Variants in CDCA8 observed in about 807,000 individuals in gnomAD.
CDCA8 encodes cell division cycle associated 8.
In CDCA8, 25 loss-of-function variants were observed where a neutral mutation model predicts 40.0. That is an observed-to-expected ratio of 0.63 (90% CI 0.46 to 0.87). CDCA8 has a LOEUF of 0.87. Among genes scored for constraint, CDCA8 ranks in the 40% least tolerant of loss-of-function variants. The pLI is 0.00. For synonymous variants in CDCA8, 111 were observed against 126.5 expected (o/e 0.88, Z 0.82); for missense variants, 280 against 348.4 (o/e 0.80, Z 1.56).
chr1:37,709,264 CTG>C lies in CDCA8; in HGVS notation c.*900_*901del, dbSNP rs1645623416. 1 of 152,216 alleles carries C rather than the reference CTG, an allele frequency of 6.6e-6. No individual in the cohort carries two copies. Among genetic ancestry groups the C allele is most frequent in the South Asian group, 2.1e-4 (1 of 4,832 alleles). The allele number at this position is 152,216 out of a possible 1,614,324, so 9.4% of individuals were successfully genotyped here. ...CATGGTCCAGTGGTCCCTGCCAAGT[CTG>C]TAGACTTCAGAGAGCACTTCTCTCT... On this transcript the variant is annotated 3_prime_UTR_variant, in exon 10 of 10. Transcript: ENST00000373055.
At chr1:37,693,205 CTA>C (rs1645487040) in intron 2 of CDCA8, among the ~76,000 whole-genome samples, 172 bp downstream of exon 2, 1 of 98,986 alleles carries the variant, frequency 1.0e-5, no homozygotes, top group South Asian at 3.5e-4. Flanking sequence ...TCATTTTTCT[CTA>C]TGAAAAATGG....
In CDCA8 at chr1:37,692,948, C is replaced by G. The variant is rs761888225; in HGVS notation, c.138C>G (p.Leu46=). 7 of 1,614,134 alleles carry G rather than the reference C, an allele frequency of 4.3e-6. No homozygotes were observed. The highest frequency in any genetic ancestry group is 5.9e-6 in the Non-Finnish European group (7 of 1,180,028). Residue 46 remains leucine, a synonymous_variant, in exon 2 of 10, where the codon CTC becomes CTG. Coordinates refer to ENST00000373055, the MANE Select transcript of CDCA8 (RefSeq NM_001256875.2). Reference sequence around the variant, plus strand: ...AAATTGAGTCAGACAGGCAGAACCTCCTCAAGGAGGTGGATAACCTCTACA... The same window carrying G: ...AAATTGAGTCAGACAGGCAGAACCTGCTCAAGGAGGTGGATAACCTCTACA... ...IKQIESDRQN[L]LKEVDNLYNI... is the part of the protein sequence containing the mutation.
chr1:37,699,043 C>T lies in CDCA8; in HGVS notation c.337+66C>T. The T allele has an allele frequency of 3.7e-6, 4 of 1,069,864 alleles. No homozygotes were observed. In the South Asian group the frequency reaches 5.0e-5, roughly 13 times the overall value. The allele number at this position is 1,069,864 out of a possible 1,614,324, so 66.3% of individuals were successfully genotyped here. On this transcript the variant is annotated intron_variant, in intron 4 of 9. Coordinates refer to ENST00000373055, the MANE Select transcript of CDCA8 (RefSeq NM_001256875.2). The stretch of plus-strand genomic sequence containing the variant: ...GAGGCTCAGGTTGCTTGGTTGGCTG[C>T]TCAGGCAGCGCCTTGTTGGTAGAGC...
At chr1:37,698,075 C>T (rs10908370) in intron 3 of CDCA8, among the ~76,000 whole-genome samples, 36,829 of 151,950 alleles carry the variant, frequency 0.24, 5,273 homozygotes, top group East Asian at 0.69. Context: ...TTTTGAAGGA[C>T]CCAGGATCAT....
In CDCA8 at chr1:37,708,734, G is replaced by T; in HGVS notation, c.*368G>T. ...AAGAAGAACCCTGTGTTCTCAGGAAGACTGCCTCCACCACCGCTACCCAGA... is the reference window on the plus strand; with the variant it reads ...AAGAAGAACCCTGTGTTCTCAGGAATACTGCCTCCACCACCGCTACCCAGA... On this transcript the variant is annotated 3_prime_UTR_variant, in exon 10 of 10. Transcript: ENST00000373055. 1 of 308,566 alleles carries T rather than the reference G, an allele frequency of 3.2e-6. No individual in the cohort carries two copies. The highest frequency in any genetic ancestry group is 6.3e-6 in the Non-Finnish European group (1 of 158,506). The allele number at this position is 308,566 out of a possible 1,614,324, so 19.1% of individuals were successfully genotyped here. A position where few individuals can be genotyped will look rare whatever the true frequency, so the allele number is the denominator to read the frequency against.
At chr1:37,707,981 G>A (rs1645613758) in intron 9 of CDCA8, among the ~76,000 whole-genome samples, 1 of 152,164 alleles carries the variant, frequency 6.6e-6, no homozygotes, top group Non-Finnish European at 1.5e-5. Flanking sequence ...GGTCTGAAGG[G>A]TACATCCAAG....
intron 3 of CDCA8, among the ~76,000 whole-genome samples, chr1:37,697,244 T>C (rs1045192472): frequency 1.3e-5 from 2 of 152,166 alleles, no homozygotes; most frequent in Non-Finnish European, 2.9e-5. Context: ...TTCATGGGGC[T>C]CAGCATACAG....
chr1:37,698,695 A>T (rs1000810575), intron 3 of CDCA8, among the ~76,000 whole-genome samples: 6 of 152,238 alleles, frequency 3.9e-5, no homozygotes, highest in African/African-American at 1.4e-4. Flanking sequence ...ACAAGGAATG[A>T]ATACAGAGCC....
chr1:37,700,351 G>T (rs662772), intron 4 of CDCA8, 85 bp from the exon 5 acceptor site: 2 of 796,198 alleles, frequency 2.5e-6, no homozygotes, highest in Non-Finnish European at 4.3e-6. Context: ...TTAAGATTGT[G>T]TACATTTTAT....
At chr1:37,700,158 G>A (rs1458146208) in intron 4 of CDCA8, among the ~76,000 whole-genome samples, 1 of 152,174 alleles carries the variant, frequency 6.6e-6, no homozygotes, top group Non-Finnish European at 1.5e-5. Context: ...CCATGGCCAG[G>A]ATTTCGGGGC....
intron 2 of CDCA8, 66 bp from the exon 3 acceptor site, chr1:37,695,844 A>G: frequency 7.0e-7 from 1 of 1,423,472 alleles, no homozygotes; most frequent in Non-Finnish European, 9.9e-7. Flanking sequence ...AGAAAGATAA[A>G]TGGTACTATT....
chr1:37,704,483 T>C (rs1001656449), intron 7 of CDCA8, among the ~76,000 whole-genome samples: 2 of 152,150 alleles, frequency 1.3e-5, no homozygotes, highest in African/African-American at 4.8e-5. Flanking sequence ...CTGAACACTG[T>C]GCTGTATGAT....
intron 9 of CDCA8, among the ~76,000 whole-genome samples, chr1:37,708,028 C>A (rs908080802): frequency 6.6e-6 from 1 of 152,152 alleles, no homozygotes; most frequent in Non-Finnish European, 1.5e-5. Context: ...CTAAACCTGT[C>A]TTTCTGAACA....
chr1:37,695,784 A>G, intron 2 of CDCA8, 126 bp from the exon 3 acceptor site: 2 of 700,802 alleles, frequency 2.9e-6, no homozygotes, highest in Non-Finnish European at 4.9e-6. Flanking sequence ...GAAAGAATAG[A>G]TTAGATGGTG....
chr1:37,703,275 C>G lies in CDCA8; in HGVS notation c.512C>G (p.Thr171Ser), dbSNP rs755507277. 2 of 1,613,764 alleles carry G rather than the reference C, an allele frequency of 1.2e-6. No homozygotes were observed. Among genetic ancestry groups the G allele is most frequent in the Admixed American group, 3.3e-5 (2 of 60,014 alleles). ...GKRSSRANTV[T>S]PAVGRLEVSM... ...AGGTCAAGCCGTGCTAACACTGTTA[C>G]CCCAGCCGTGGGCCGATTGGAGGTG... The change falls in exon 7 of 10, where the codon ACC becomes AGC. Residue 171 changes from threonine (T) to serine (S), a missense_variant. Coordinates refer to ENST00000373055, the MANE Select transcript of CDCA8 (RefSeq NM_001256875.2).
chr1:37,702,639 CTG>C (rs1645572921), intron 6 of CDCA8, among the ~76,000 whole-genome samples: 1 of 152,132 alleles, frequency 6.6e-6, no homozygotes, highest in Non-Finnish European at 1.5e-5. Context: ...CATGAAGAGG[CTG>C]TCTCCTTGAT....
At chr1:37,695,114 G>T (rs150287724) in intron 2 of CDCA8, among the ~76,000 whole-genome samples, 37 of 152,258 alleles carry the variant, frequency 2.4e-4, no homozygotes, top group African/African-American at 8.9e-4. Flanking sequence ...ACTTTGGGAG[G>T]CCAAGGCAGG....
chr1:37,709,515 C>T lies in CDCA8; in HGVS notation c.*1149C>T, dbSNP rs989311363. On this transcript the variant is annotated 3_prime_UTR_variant, in exon 10 of 10. Transcript: ENST00000373055. ...GCACATGGCTTTCTCATGTAGGGCT[C>T]TCTGTGGTATTTGTTATTATTTTGC... 6.6e-6 allele frequency: 1 copy of T among 152,148 alleles called. No homozygotes were observed. The highest frequency in any genetic ancestry group is 2.4e-5 in the African/African-American group (1 of 41,434). The allele number at this position is 152,148 out of a possible 1,614,324, so 9.4% of individuals were successfully genotyped here. A position where few individuals can be genotyped will look rare whatever the true frequency, so the allele number is the denominator to read the frequency against.
chr1:37,700,661 TTGAC>T (rs1158654725), intron 5 of CDCA8, 140 bp downstream of exon 5: 1 of 624,302 alleles, frequency 1.6e-6, no homozygotes, highest in African/African-American at 1.8e-5. Context: ...AAAGAGATAA[TTGAC>T]TGGTGTGCAA....
Sources: allele counts gnomAD v4.1 joint callset (sites outside exome capture counted in the v4.1 genomes callset), GRCh38; gene constraint gnomAD v4.1.1; transcripts MANE v1.5; gene names NCBI Gene and HGNC (gene_info 2026-07-23, HGNC 2026-07-21).